The following INTS4 variants were observed in gnomAD, a reference collection of about 807,000 sequenced individuals.
The protein encoded by INTS4 is MSTP093.
A neutral mutation model predicts 119.5 loss-of-function variants in INTS4; 70 were observed. That is an observed-to-expected ratio of 0.59 (90% CI 0.48 to 0.71). INTS4 has a LOEUF of 0.71. Ranked by LOEUF, INTS4 falls within the 30% of genes least tolerant of loss-of-function variation. INTS4 has a pLI of 0.00. For synonymous variants in INTS4, 316 were observed against 419.6 expected (o/e 0.75, Z 3.02); for missense variants, 867 against 1,173.2 (o/e 0.74, Z 3.81).
chr11:77,971,650 C>CA (rs892560700), intron 4 of INTS4, among the ~76,000 whole-genome samples: 25 of 151,386 alleles, frequency 1.7e-4, no homozygotes, highest in Non-Finnish European at 2.7e-4. Context: ...CTCAAAAAAA[C>CA]AAAAAAAACA....
At chr11:77,926,811 CAAAA>C (rs61446262) in intron 11 of INTS4, among the ~76,000 whole-genome samples, 1 of 103,470 alleles carries the variant, frequency 9.7e-6, no homozygotes. Context: ...GACTCAGCCT[CAAAA>C]AAAAAAAAAA....
intron 21 of INTS4, among the ~76,000 whole-genome samples, chr11:77,890,525 G>A (rs631625): frequency 0.39 from 56,254 of 144,070 alleles, 10,387 homozygotes; most frequent in African/African-American, 0.47. Flanking sequence ...CCTGCATGTG[G>A]TAGAGGTGCT....
chr11:77,958,604 A>G (rs1459245232), intron 7 of INTS4, 142 bp downstream of exon 7: 6 of 598,510 alleles, frequency 1.0e-5, no homozygotes, highest in Non-Finnish European at 1.8e-5. Context: ...TCTGATTTTC[A>G]GGGCCTGTGC....
intron 11 of INTS4, among the ~76,000 whole-genome samples, 179 bp from the exon 12 acceptor site, chr11:77,925,071 G>A (rs903300870): frequency 6.6e-6 from 1 of 152,144 alleles, no homozygotes; most frequent in African/African-American, 2.4e-5. Context: ...AAGGACCAGA[G>A]GCAGTAGCTT....
At chr11:77,949,455 T>C (rs1367913272) in intron 8 of INTS4, among the ~76,000 whole-genome samples, 1 of 151,506 alleles carries the variant, frequency 6.6e-6, no homozygotes, top group African/African-American at 2.4e-5. Context: ...GAGAAAATTT[T>C]TGCAATCTAT....
chr11:77,894,241 C>T (rs775152415), intron 19 of INTS4, 49 bp downstream of exon 19: 26 of 969,294 alleles, frequency 2.7e-5, no homozygotes, highest in South Asian at 5.7e-5. Flanking sequence ...AAGTGCTATA[C>T]TCCATGTAAC....
chr11:77,933,798 C>T (rs976316588), intron 10 of INTS4, among the ~76,000 whole-genome samples: 20 of 151,594 alleles, frequency 1.3e-4, no homozygotes, highest in Non-Finnish European at 2.1e-4. Context: ...GCCCGGCAGC[C>T]GCCCCGTCCG....
At chr11:77,963,363 A>AAC (rs2136592445) in intron 4 of INTS4, 3 of 391,728 alleles carry the variant, frequency 7.7e-6, no homozygotes, top group Non-Finnish European at 1.4e-5. Context: ...AAAAAAAAAA[A>AAC]AAAAAAAAAA....
At chr11:77,902,558 C>T (rs1020796313) in intron 17 of INTS4, among the ~76,000 whole-genome samples, 5 of 152,170 alleles carry the variant, frequency 3.3e-5, no homozygotes, top group African/African-American at 1.2e-4. Flanking sequence ...ATGAATTTAA[C>T]CTTGCTGAGC....
Position 77,963,352 on chromosome 11 carries a change from C to CAAAAAAAAAAAAAA in INTS4, c.472-2228_472-2215dup, listed in dbSNP as rs777966254. ...CCGGGCGCAGAACGAGACTCCGTCT[C>CAAAAAAAAAAAAAA]AAAAAAAAAAAAAAAAAAAAAACAA... On this transcript the variant is annotated intron_variant, in intron 4 of 22. Transcript: ENST00000534064. 133 of 177,576 alleles carry CAAAAAAAAAAAAAA rather than the reference C, an allele frequency of 7.5e-4. 3 individuals are homozygous for CAAAAAAAAAAAAAA. The highest frequency in any genetic ancestry group is 1.5e-3 in the South Asian group (38 of 25,472). 11.0% of individuals were successfully genotyped at this position (177,576 alleles called of 1,614,324 possible).
chr11:77,978,092 A>C (rs892964248), intron 4 of INTS4: 3 of 151,960 alleles, frequency 2.0e-5, no homozygotes, highest in Non-Finnish European at 4.4e-5. Context: ...GGGTTTCACC[A>C]TGTTGGTCAG....
chr11:77,942,457 T>C (rs1442901276), intron 8 of INTS4, among the ~76,000 whole-genome samples: 1 of 152,244 alleles, frequency 6.6e-6, no homozygotes, highest in African/African-American at 2.4e-5. Context: ...GTTTGCCTTA[T>C]AAATAATTAT....
At chr11:77,899,206 T>C (rs916319335) in intron 18 of INTS4, among the ~76,000 whole-genome samples, 1 of 152,060 alleles carries the variant, frequency 6.6e-6, no homozygotes, top group African/African-American at 2.4e-5. Context: ...AAAGTCAAGA[T>C]GTGAACCCAA....
At chr11:77,969,376 T>C (rs1012700480) in intron 4 of INTS4, among the ~76,000 whole-genome samples, 10 of 152,310 alleles carry the variant, frequency 6.6e-5, no homozygotes, top group African/African-American at 2.2e-4. Context: ...TATGTATGTA[T>C]GTATTTATGA....
In INTS4 at chr11:77,879,014, C is replaced by T. The variant is rs1289979520; in HGVS notation, c.2827G>A (p.Glu943Lys). ...EMSPQVETSI[E>K]GTIPFSKPVK... ...GGCTTGCTGAAGGGAATGGTGCCCT[C>T]GATGCTGGTTTCCACCTGTGGTGAC... Residue 943 changes from glutamate (E) to lysine (K), a missense_variant, in exon 23 of 23, where the codon GAG becomes AAG. Glu to Lys is a moderately conservative substitution (Grantham distance 56). This residue lies in a region of INTS4 where 122 missense variants were observed against 133.2 expected (regional missense o/e 0.92). Coordinates refer to ENST00000534064, the MANE Select transcript of INTS4 (RefSeq NM_033547.4). The T allele has an allele frequency of 6.8e-6, 11 of 1,613,964 alleles. No homozygotes were observed. The highest frequency in any genetic ancestry group is 4.0e-5 in the African/African-American group (3 of 74,874).
chr11:77,897,007 T>G (rs1002629600), intron 18 of INTS4, among the ~76,000 whole-genome samples: 5 of 151,594 alleles, frequency 3.3e-5, no homozygotes, highest in African/African-American at 4.9e-5. Context: ...ACTGTAACAT[T>G]AAATACTAAA....
Position 77,924,906 on chromosome 11 carries a change from A to T in INTS4, c.1372-14T>A, listed in dbSNP as rs748971318. The T allele has an allele frequency of 5.8e-5, 93 of 1,595,712 alleles. No individual in the cohort carries two copies. Among genetic ancestry groups the T allele is most frequent in the Non-Finnish European group, 7.6e-5 (89 of 1,166,432 alleles). On this transcript the variant is annotated splice_polypyrimidine_tract_variant and intron_variant, in intron 11 of 22. Transcript: ENST00000534064. ...TCTGGATGAATCCTTTTAAAAAAAA[A>T]GTAATAATAACAGTAGTTACTGTTG...
chr11:77,989,440 AAC>A (rs1856577249), intron 2 of INTS4, among the ~76,000 whole-genome samples: 2 of 151,972 alleles, frequency 1.3e-5, no homozygotes, highest in Non-Finnish European at 2.9e-5. Flanking sequence ...CAGCCTGGGC[AAC>A]AGAGTGAGAC....
At chr11:77,936,757 G>A (rs1329631233) in intron 10 of INTS4, among the ~76,000 whole-genome samples, 5 of 151,938 alleles carry the variant, frequency 3.3e-5, no homozygotes, top group Non-Finnish European at 5.9e-5. Flanking sequence ...ATAAAAACTG[G>A]AGAAAGAAAG....
Sources: gnomAD v4.1 joint callset for allele counts (sites outside exome capture counted in the v4.1 genomes callset) on GRCh38, gnomAD v4.1.1 for gene constraint, gnomAD v4.1.1 regional missense constraint, MANE v1.5 for transcripts, NCBI Gene and HGNC (gene_info 2026-07-23, HGNC 2026-07-21) for gene names.